Variants in AP1M2 observed in about 807,000 individuals in gnomAD.
The protein encoded by AP1M2 is AP-1 complex subunit mu-2.
In AP1M2, 41 loss-of-function variants were observed where a neutral mutation model predicts 54.6. That is an observed-to-expected ratio of 0.75 (90% CI 0.59 to 0.97). AP1M2 has a LOEUF of 0.97. Among genes scored for constraint, AP1M2 ranks in the 50% least tolerant of loss-of-function variants. AP1M2 has a pLI of 0.00. For missense variants in AP1M2, 507 were observed against 561.2 expected, an observed-to-expected ratio of 0.90 and a Z score of 0.98; for synonymous variants, 219 against 215.9, an observed-to-expected ratio of 1.01 and a Z score of -0.13.
At chr19:10,579,045 GAC>G (rs1304481031) in intron 7 of AP1M2, 82 bp from the exon 8 acceptor site, 3 of 1,079,318 alleles carry the variant, frequency 2.8e-6, no homozygotes, top group Non-Finnish European at 3.9e-6. Context: ...CTTTCTTTGA[GAC>G]AGAGTCTCGC....
chr19:10,583,708 A>G, intron 2 of AP1M2, 35 bp from the exon 3 acceptor site: 1 of 1,599,148 alleles, frequency 6.3e-7, no homozygotes, highest in South Asian at 1.1e-5. Context: ...GGTGCCATTT[A>G]TGGAGAAGTA....
intron 10 of AP1M2, 123 bp downstream of exon 10, chr19:10,574,781 C>A (rs1013057949): frequency 1.1e-5 from 14 of 1,316,224 alleles, no homozygotes; most frequent in African/African-American, 6.0e-5. Context: ...CTGGGAAAGA[C>A]CAGGCAGCCT....
At chr19:10,574,793 C>T in intron 10 of AP1M2, 111 bp downstream of exon 10, 1 of 1,372,068 alleles carries the variant, frequency 7.3e-7, no homozygotes, top group Admixed American at 2.8e-5. Flanking sequence ...AGGCAGCCTT[C>T]AGAGGAGTGT....
chr19:10,573,104 G>T lies in AP1M2; in HGVS notation c.1250-16C>A. The T allele has an allele frequency of 6.4e-7, 1 of 1,560,470 alleles. No individual in the cohort carries two copies. Among genetic ancestry groups the T allele is most frequent in the Non-Finnish European group, 8.7e-7 (1 of 1,151,894 alleles). On this transcript the variant is annotated splice_polypyrimidine_tract_variant and intron_variant, in intron 11 of 11. Transcript: ENST00000250244. ...AGTTGGTAATCTGCAGAGAAAGAAT[G>T]AGGAGGGGCCATCTCAGAAATGGGG...
intron 1 of AP1M2, among the ~76,000 whole-genome samples, chr19:10,585,332 AAAGAAAGAAAGAAAGAAAGAAAG>A (rs1275380437): frequency 4.0e-5 from 6 of 151,426 alleles, no homozygotes; most frequent in African/African-American, 1.5e-4. Context: ...AGAAAGAAAG[AAAGAAAGAAAGAAAGAAAGAAAG>A]ATGACAGTTC....
chr19:10,575,783 T>G (rs1322584949), intron 9 of AP1M2, among the ~76,000 whole-genome samples: 3 of 148,340 alleles, frequency 2.0e-5, no homozygotes, highest in African/African-American at 7.4e-5. Context: ...TTTTTTTTTT[T>G]TGAGATGGAG....
At chr19:10,581,695 C>G in intron 4 of AP1M2, 53 bp downstream of exon 4, 1 of 1,611,724 alleles carries the variant, frequency 6.2e-7, no homozygotes, top group Non-Finnish European at 8.5e-7. Flanking sequence ...GGACCTCCTC[C>G]AGTTCCTTAC....
chr19:10,574,352 A>G (rs1917154101), intron 11 of AP1M2, 65 bp downstream of exon 11: 1 of 1,306,898 alleles, frequency 7.7e-7, no homozygotes, highest in Non-Finnish European at 1.0e-6. Flanking sequence ...ATGTGGTGAA[A>G]GCCTCGAGTC....
At chr19:10,576,606 C>T (rs1249368250) in intron 9 of AP1M2, among the ~76,000 whole-genome samples, 1 of 151,830 alleles carries the variant, frequency 6.6e-6, no homozygotes, top group Non-Finnish European at 1.5e-5. Context: ...ACCATGTTGG[C>T]CAGGCTGGTC....
At chr19:10,585,092 G>A (rs1410341327) in intron 1 of AP1M2, 1 of 151,728 alleles carries the variant, frequency 6.6e-6, no homozygotes, top group Admixed American at 6.6e-5. Flanking sequence ...CTGCACCTCT[G>A]TAGTCACAGC....
At chr19:10,585,328 A>G (rs1349566140) in intron 1 of AP1M2, among the ~76,000 whole-genome samples, 1 of 140,458 alleles carries the variant, frequency 7.1e-6, no homozygotes, top group African/African-American at 2.5e-5. Context: ...AGAAAGAAAG[A>G]AAGAAAGAAA....
In AP1M2 at chr19:10,573,214, T is replaced by A; in HGVS notation, c.1250-126A>T. On this transcript the variant is annotated intron_variant, in intron 11 of 11. Coordinates refer to ENST00000250244, the MANE Select transcript of AP1M2 (RefSeq NM_005498.5). ...CAGGTGGATCACTTGAGGTCAGGGG[T>A]TCGAGACCAGCCTGGCCAACATGGT... 4 of 828,860 alleles carry A rather than the reference T, an allele frequency of 4.8e-6. No homozygotes were observed. In the South Asian group the frequency reaches 5.8e-5, roughly 12 times the overall value. 51.3% of individuals were successfully genotyped at this position (828,860 alleles called of 1,614,324 possible).
At chr19:10,585,436 C>T (rs546623205) in intron 1 of AP1M2, among the ~76,000 whole-genome samples, 38 of 152,304 alleles carry the variant, frequency 2.5e-4, no homozygotes, top group African/African-American at 8.4e-4. Context: ...CGGTGGCTCA[C>T]GCCTTTAATC....
In AP1M2 at chr19:10,574,490, G is replaced by C. The variant is rs1445955807; in HGVS notation, c.1176C>G (p.Val392=). 2 of 1,562,264 alleles carry C rather than the reference G, an allele frequency of 1.3e-6. No homozygotes were observed. The highest frequency in any genetic ancestry group is 2.4e-5 in the East Asian group (1 of 42,184). The part of the protein sequence containing the change: ...IPYFTVSGIQ[V]RYMKIIEKSG... ...TTTTCTCAATGATCTTCATGTATCGGACCTGGAAGGGAATGAAAAGAGGTG... is the reference window on the plus strand; with the variant it reads ...TTTTCTCAATGATCTTCATGTATCGCACCTGGAAGGGAATGAAAAGAGGTG... The change falls in exon 11 of 12, where the codon GTC becomes GTG. Residue 392 remains valine (V), a splice_region_variant and synonymous_variant. Coordinates refer to ENST00000250244, the MANE Select transcript of AP1M2 (RefSeq NM_005498.5).
chr19:10,579,831 T>A lies in AP1M2; in HGVS notation c.701A>T (p.Glu234Val). The stretch of plus-strand genomic sequence containing the variant: ...CACGCACTGGTGGAATTTTACATCC[T>A]CCAGCTCTACTGATTTGTTCTTGCT... ...GRSKNKSVELEDVKFHQCVRL... is the reference protein window; with the variant it reads ...GRSKNKSVELVDVKFHQCVRL... The change falls in exon 7 of 12, where the codon GAG becomes GTG. Residue 234 changes from glutamate (E) to valine (V), a missense_variant. Coordinates refer to ENST00000250244, the MANE Select transcript of AP1M2 (RefSeq NM_005498.5). 6.2e-7 allele frequency: 1 copy of A among 1,612,846 alleles called. No homozygotes were observed. The highest frequency in any genetic ancestry group is 8.5e-7 in the Non-Finnish European group (1 of 1,179,336).
At position 10,577,234 on chromosome 19, in the gene AP1M2, C is replaced by T. The variant is rs10406626; in HGVS notation, c.1011G>A (p.Glu337=). The change falls in exon 9 of 12, where the codon GAG becomes GAA. Residue 337 remains glutamate, a synonymous_variant. Transcript: ENST00000250244. ...TAATACTCCAAATCACGACGTTTCT[C>T]TCCGGCACATACTTGGCGCTGCCCA... ...TSVGSAKYVP[E]RNVVIWSIKS... 6.8e-6 allele frequency: 11 copies of T among 1,610,656 alleles called. No homozygotes were observed. The highest frequency in any genetic ancestry group is 5.3e-5 in the African/African-American group (4 of 74,792).
At chr19:10,583,822 C>T (rs1230811470) in intron 2 of AP1M2, 92 bp downstream of exon 2, 73 of 1,509,710 alleles carry the variant, frequency 4.8e-5, no homozygotes, top group Non-Finnish European at 6.5e-5. Flanking sequence ...CGGTGCAACT[C>T]CTGTCCTCAG....
At position 10,574,978 on chromosome 19, in the gene AP1M2, T is replaced by C; in HGVS notation, c.1099A>G (p.Lys367Glu). 1 of 1,575,360 alleles carries C rather than the reference T, an allele frequency of 6.3e-7. No homozygotes were observed. The highest frequency in any genetic ancestry group is 8.6e-7 in the Non-Finnish European group (1 of 1,159,064). ...GGGGGCCGGCCCTCCACCTCTTCCT[T>C]TTCCACACTGGGGAGGCCAAAGTGG... is the stretch of plus-strand genomic sequence containing the variant. ...RAHFGLPSVE[K>E]EEVEGRPPIG... The change falls in exon 10 of 12, where the codon AAG (lysine) becomes GAG (glutamate). Residue 367 changes from lysine to glutamate, a missense_variant. Physicochemically the swap from Lys to Glu is moderately conservative, Grantham distance 56 (BLOSUM62 1). Transcript: ENST00000250244.
chr19:10,580,803 A>C (rs1322646087), intron 6 of AP1M2, among the ~76,000 whole-genome samples: 1 of 151,936 alleles, frequency 6.6e-6, no homozygotes, highest in Non-Finnish European at 1.5e-5. Context: ...GTCTCTATAA[A>C]AAATTTAAAA....
Sources: allele counts gnomAD v4.1 joint callset (sites outside exome capture counted in the v4.1 genomes callset), GRCh38; gene constraint gnomAD v4.1.1; transcripts MANE v1.5; gene names NCBI Gene and HGNC (gene_info 2026-07-23, HGNC 2026-07-21).